Variants in PLCH2 observed in about 807,000 individuals in gnomAD.
PLCH2 encodes 1-phosphatidylinositol 4,5-bisphosphate phosphodiesterase eta-2.
A neutral mutation model predicts 134.7 loss-of-function variants in PLCH2; 98 were observed. The observed-to-expected ratio is 0.73, with a 90% CI of 0.62 to 0.86. The LOEUF is 0.86. Among genes scored for constraint, PLCH2 ranks in the 40% least tolerant of loss-of-function variants. PLCH2 has a pLI of 0.00. For missense variants in PLCH2, 1,994 were observed against 1,986.6 expected (o/e 1.00, Z -0.07); for synonymous variants, 974 against 827.5 (o/e 1.18, Z -3.04).
rs372222524 is a variant in PLCH2, at chr1:2,496,946, C to T, written c.2052C>T (p.Ser684=). 1.2e-6 allele frequency: 2 copies of T among 1,613,256 alleles called. No homozygotes were observed. Among genetic ancestry groups the T allele is most frequent in the African/African-American group, 1.3e-5 (1 of 74,946 alleles). The change falls in exon 15 of 22, where the codon TCC becomes TCT. Residue 684 remains serine (S), a synonymous_variant. Coordinates refer to ENST00000378486, the MANE Select transcript of PLCH2 (RefSeq NM_014638.4). ...NQQQLSRIYP[S]SYRVDSSNYN... ...AGCAGCTCTCCCGCATCTACCCCTC[C>T]TCCTACCGTGTGGACTCCAGCAACT...
At chr1:2,441,305 C>G (rs1163480282) in intron 2 of PLCH2, among the ~76,000 whole-genome samples, 3 of 152,222 alleles carry the variant, frequency 2.0e-5, no homozygotes, top group African/African-American at 7.2e-5. Flanking sequence ...CCCAGAGCAA[C>G]TCCCAGCTCC....
At chr1:2,503,490 C>T (rs922279340) in intron 21 of PLCH2, 13 of 635,790 alleles carry the variant, frequency 2.0e-5, no homozygotes, top group African/African-American at 3.7e-5. Flanking sequence ...CTGAAGCACC[C>T]CACTAGAAGG....
At chr1:2,456,382 TG>T (rs1229547563) in intron 2 of PLCH2, among the ~76,000 whole-genome samples, 2 of 152,176 alleles carry the variant, frequency 1.3e-5, no homozygotes, top group South Asian at 2.1e-4. Flanking sequence ...GGGGCGGCCC[TG>T]GGGGGCGGGT....
intron 21 of PLCH2, chr1:2,502,870 G>A (rs904790185): frequency 2.8e-6 from 2 of 717,074 alleles, no homozygotes; most frequent in Non-Finnish European, 5.2e-6. Flanking sequence ...TTGCTCAAAA[G>A]CTGGAGGAGA....
At chr1:2,426,743 C>A (rs536841756) in intron 1 of PLCH2, among the ~76,000 whole-genome samples, 1 of 152,342 alleles carries the variant, frequency 6.6e-6, no homozygotes, top group East Asian at 1.9e-4. Flanking sequence ...CAGCCTCGCA[C>A]TTCCTGACAC....
In PLCH2 at chr1:2,490,506, C is replaced by T. The variant is rs567448279; in HGVS notation, c.1515+639C>T. Reference sequence around the variant, plus strand: ...GCGCCGATCTCCTCTCCTCTGGACACTGCTCTGGGGCCGCTGCTGTGAGGC... The same window carrying T: ...GCGCCGATCTCCTCTCCTCTGGACATTGCTCTGGGGCCGCTGCTGTGAGGC... On this transcript the variant is annotated intron_variant, in intron 10 of 21. Coordinates refer to ENST00000378486, the MANE Select transcript of PLCH2 (RefSeq NM_014638.4). 2.0e-5 allele frequency among the ~76,000 whole-genome samples: 3 copies of T among 152,288 alleles called. No homozygotes were observed. The East Asian group carries it at 5.8e-4, about 29-fold the overall frequency.
At chr1:2,420,128 A>G in the PLCH2 span, among the ~76,000 whole-genome samples, 16 of 151,918 alleles carry the variant, frequency 1.1e-4, no homozygotes, top group Non-Finnish European at 2.2e-4. Flanking sequence ...GGAGCTCATC[A>G]GTGCTGAGTT....
upstream of PLCH2, among the ~76,000 whole-genome samples, chr1:2,422,045 A>G (rs1168607529): frequency 6.6e-6 from 1 of 152,012 alleles, no homozygotes; most frequent in Non-Finnish European, 1.5e-5. Context: ...CTGAAGGAGG[A>G]GGATCACCTG....
At chr1:2,484,007 G>A (rs1183061676) in intron 4 of PLCH2, among the ~76,000 whole-genome samples, 2 of 139,898 alleles carry the variant, frequency 1.4e-5, no homozygotes, top group African/African-American at 2.7e-5. Flanking sequence ...ACTCCCGTGT[G>A]GGGGGGCGCT....
At chr1:2,450,992 C>T (rs564993449) in intron 2 of PLCH2, among the ~76,000 whole-genome samples, 5 of 151,900 alleles carry the variant, frequency 3.3e-5, no homozygotes, top group African/African-American at 4.8e-5. Context: ...GTGGGACCCC[C>T]GCCTGTGCTA....
upstream of PLCH2, among the ~76,000 whole-genome samples, chr1:2,464,603 C>T (rs982464801): frequency 1.3e-5 from 2 of 152,132 alleles, no homozygotes; most frequent in African/African-American, 4.8e-5. Flanking sequence ...AGGAGGGGGG[C>T]CACCTCCTGC....
At position 2,476,425 on chromosome 1, in the gene PLCH2, C is replaced by A; in HGVS notation, c.-164C>A. 1.5e-6 allele frequency: 1 copy of A among 666,078 alleles called. No homozygotes were observed. Among genetic ancestry groups the A allele is most frequent in the Admixed American group, 3.4e-5 (1 of 29,388 alleles). 41.3% of individuals were successfully genotyped at this position (666,078 alleles called of 1,614,324 possible). A position where few individuals can be genotyped will look rare whatever the true frequency, so the allele number is the denominator to read the frequency against. ...CAATGCCAGCCGGGCCTGGGCACAG[C>A]CCTGTGGGGGCTTCGGAGGGCCCTG... On this transcript the variant is annotated 5_prime_UTR_variant, in exon 1 of 22. Transcript: ENST00000378486.
chr1:2,497,423 A>C, intron 15 of PLCH2, 79 bp from the exon 16 acceptor site: 1 of 846,706 alleles, frequency 1.2e-6, no homozygotes, highest in Non-Finnish European at 1.8e-6. Context: ...AGGGGAGGCT[A>C]GCGTGTGGTG....
chr1:2,444,846 CG>C lies in PLCH2; in HGVS notation c.115+14221del, dbSNP rs1434967691. On this transcript the variant is annotated intron_variant, in intron 2 of 3. Coordinates refer to the PLCH2 transcript ENST00000609981. The surrounding 1 kb of genome is among the most constrained non-coding windows in gnomAD (Gnocchi z 4.6). ...CCCCTGACACGTTGGTCTGGGGAGG[CG>C]GGGTCACGGTGCCCCAACACCCCTG... Among the ~76,000 whole-genome samples, 2 of 151,932 alleles carry C rather than the reference CG, an allele frequency of 1.3e-5. No homozygotes were observed. Among genetic ancestry groups the C allele is most frequent in the East Asian group, 3.9e-4 (2 of 5,140 alleles).
chr1:2,470,943 C>A (rs1315770526), intron 1 of PLCH2, among the ~76,000 whole-genome samples: 1 of 152,198 alleles, frequency 6.6e-6, no homozygotes, highest in East Asian at 1.9e-4. Flanking sequence ...GTGCGATGCC[C>A]CTGCTGGCCA....
rs1444297570 is a variant in PLCH2, at chr1:2,504,375, G to A, written c.3413G>A (p.Gly1138Asp). 7 of 1,611,608 alleles carry A rather than the reference G, an allele frequency of 4.3e-6. No individual in the cohort carries two copies. The highest frequency in any genetic ancestry group is 1.3e-5 in the African/African-American group (1 of 74,870). Residue 1138 changes from glycine to aspartate, a missense_variant, in exon 22 of 22, where the codon GGC becomes GAC. By Grantham distance (94) the Gly-to-Asp change is moderately conservative (BLOSUM62 -1). Coordinates refer to ENST00000378486, the MANE Select transcript of PLCH2 (RefSeq NM_014638.4). ...CTGTGGCAGCGGCTGGAGCCATGTGGCCACCGAGACAGCGTTTCCTCCTCC... is the reference window on the plus strand; with the variant it reads ...CTGTGGCAGCGGCTGGAGCCATGTGACCACCGAGACAGCGTTTCCTCCTCC... ...DPLWQRLEPC[G>D]HRDSVSSSSS... is the part of the protein sequence containing the mutation.
chr1:2,434,297 C>T (rs1639219215), intron 2 of PLCH2, among the ~76,000 whole-genome samples: 1 of 152,206 alleles, frequency 6.6e-6, no homozygotes, highest in Admixed American at 6.5e-5. Flanking sequence ...TAGAAGGAGG[C>T]AGGACACACG....
chr1:2,445,643 G>A (rs192598931), intron 2 of PLCH2, among the ~76,000 whole-genome samples: 39 of 152,188 alleles, frequency 2.6e-4, no homozygotes, highest in African/African-American at 7.5e-4. Flanking sequence ...CTGCCCAGAG[G>A]GGGGAGGCAG....
intron 1 of PLCH2, among the ~76,000 whole-genome samples, chr1:2,477,229 T>C (rs986164194): frequency 1.3e-5 from 2 of 152,148 alleles, no homozygotes; most frequent in Admixed American, 1.3e-4. Flanking sequence ...GACAGGGTCC[T>C]GTCCAGGCTG....
Sources: gnomAD v4.1 joint callset for allele counts (sites outside exome capture counted in the v4.1 genomes callset) on GRCh38, gnomAD v4.1.1 for gene constraint, Gnocchi (gnomAD v3.1) non-coding constraint, MANE v1.5 for transcripts, NCBI Gene and HGNC (gene_info 2026-07-23, HGNC 2026-07-21) for gene names.